RGS3: variants seen among roughly 807,000 people sequenced by gnomAD.
The protein encoded by RGS3 is regulator of G-protein signalling 3.
A neutral mutation model predicts 132.6 loss-of-function variants in RGS3; 80 were observed. The ratio of observed to expected loss-of-function variants is 0.60; its 90% confidence interval spans 0.50 to 0.73. The LOEUF is 0.73. Ranked by LOEUF, RGS3 falls within the 30% of genes least tolerant of loss-of-function variation. The pLI is 0.00. For synonymous variants in RGS3, 598 were observed against 620.6 expected, an observed-to-expected ratio of 0.96 and a Z score of 0.54; for missense variants, 1,382 against 1,530.8, an observed-to-expected ratio of 0.90 and a Z score of 1.62.
chr9:113,445,146 A>G (rs531029408), intron 1 of RGS3, among the ~76,000 whole-genome samples: 10 of 151,274 alleles, frequency 6.6e-5, no homozygotes, highest in African/African-American at 2.2e-4. Context: ...GATCCCTGCT[A>G]GAGACAGGCC....
At chr9:113,511,439 A>T (rs1588179405) in intron 14 of RGS3, among the ~76,000 whole-genome samples, 2 of 151,840 alleles carry the variant, frequency 1.3e-5, no homozygotes. Context: ...AGCCACTCCC[A>T]CTAGCCACAT....
intron 19 of RGS3, among the ~76,000 whole-genome samples, chr9:113,540,030 G>T (rs887987113): frequency 6.6e-6 from 1 of 151,948 alleles, no homozygotes; most frequent in Non-Finnish European, 1.5e-5. Context: ...GGGCCATCTA[G>T]TATCCATTTT....
chr9:113,479,444 C>T (rs1830091790), intron 3 of RGS3, 47 bp from the exon 2 acceptor site: 1 of 1,590,240 alleles, frequency 6.3e-7, no homozygotes, highest in Non-Finnish European at 8.6e-7. Flanking sequence ...TTCCACCACA[C>T]CCACCAGGGA....
chr9:113,479,335 C>A (rs1830088495), intron 3 of RGS3, 156 bp from the exon 2 acceptor site: 1 of 754,026 alleles, frequency 1.3e-6, no homozygotes. Context: ...GGGCTGAACC[C>A]TGTGGCTTCT....
chr9:113,523,167 G>A (rs2119412260), intron 17 of RGS3, 126 bp downstream of exon 15: 3 of 673,060 alleles, frequency 4.5e-6, no homozygotes, highest in Non-Finnish European at 8.1e-6. Flanking sequence ...GCTGGGCTCT[G>A]TCCATGGGCT....
chr9:113,446,929 T>A (rs1021001518), intron 1 of RGS3, among the ~76,000 whole-genome samples: 1 of 152,020 alleles, frequency 6.6e-6, no homozygotes, highest in Non-Finnish European at 1.5e-5. Context: ...ATTCTTTGTA[T>A]CCCCTAAGCT....
At chr9:113,452,039 C>T (rs1258024136) in intron 1 of RGS3, among the ~76,000 whole-genome samples, 1 of 152,020 alleles carries the variant, frequency 6.6e-6, no homozygotes, top group Non-Finnish European at 1.5e-5. Context: ...CACTCTGTTG[C>T]CCAGGCTGGA....
intron 19 of RGS3, among the ~76,000 whole-genome samples, chr9:113,560,871 A>T (rs532838206): frequency 6.7e-4 from 102 of 152,310 alleles, no homozygotes; most frequent in Middle Eastern, 6.8e-3. Context: ...AGGGCTCTGC[A>T]GAAGTTGAAG....
chr9:113,453,161 CATATG>C (rs1829294953), intron 1 of RGS3, among the ~76,000 whole-genome samples: 2 of 116,854 alleles, frequency 1.7e-5, no homozygotes, highest in African/African-American at 3.2e-5. Flanking sequence ...ATAATATACT[CATATG>C]ATTATATAAT....
chr9:113,541,252 G>A lies in RGS3; in HGVS notation c.2037+4334G>A, dbSNP rs1159599247. 4.6e-6 allele frequency: 7 copies of A among 1,536,348 alleles called. No individual in the cohort carries two copies. In the African/African-American group the frequency reaches 5.4e-5, roughly 12 times the overall value. ...AGTGCCTTAGAAAGGAACAGAGGCA[G>A]GTCCTGCAGTCAGGCAGCCCGGCCT... On this transcript the variant is annotated intron_variant, in intron 19 of 24. Transcript: ENST00000350696.
upstream of RGS3, among the ~76,000 whole-genome samples, chr9:113,456,950 C>G (rs1321868601): frequency 6.6e-6 from 1 of 152,182 alleles, no homozygotes. Flanking sequence ...CAGGCATGCG[C>G]CACCACACTG....
chr9:113,594,451 G>A, exon 22 of RGS3: 1 of 1,613,806 alleles, frequency 6.2e-7, no homozygotes, highest in Non-Finnish European at 8.5e-7. Context: ...TGAAGAACAA[G>A]CTGGGGATCT....
chr9:113,558,723 T>C (rs1833668970), intron 19 of RGS3, among the ~76,000 whole-genome samples: 3 of 152,216 alleles, frequency 2.0e-5, no homozygotes, highest in African/African-American at 7.2e-5. Flanking sequence ...AGCATCACAC[T>C]GCATGTGATT....
upstream of RGS3, among the ~76,000 whole-genome samples, chr9:113,459,051 T>A (rs1232870660): frequency 6.6e-6 from 1 of 152,210 alleles, no homozygotes; most frequent in African/African-American, 2.4e-5. Flanking sequence ...GCATCCAGCC[T>A]CTATTGTATA....
chr9:113,570,619 T>A (rs1286960493), intron 19 of RGS3, among the ~76,000 whole-genome samples: 2 of 152,046 alleles, frequency 1.3e-5, no homozygotes, highest in East Asian at 3.8e-4. Flanking sequence ...AACCCTCTTT[T>A]AGTTACTATG....
chr9:113,495,973 C>T (rs757035213), intron 8 of RGS3, 127 bp downstream of exon 6: 1 of 839,052 alleles, frequency 1.2e-6, no homozygotes, highest in Non-Finnish European at 2.1e-6. Flanking sequence ...AGACAGGTGC[C>T]CTGTGGGGTG....
intron 18 of RGS3, among the ~76,000 whole-genome samples, chr9:113,534,640 T>C (rs1832607777): frequency 6.8e-6 from 1 of 147,586 alleles, no homozygotes; most frequent in African/African-American, 2.5e-5. Flanking sequence ...TGAGACAAGG[T>C]CTGCCCTGTC....
upstream of RGS3, among the ~76,000 whole-genome samples, chr9:113,457,472 C>T (rs1011820179): frequency 2.6e-5 from 4 of 152,184 alleles, no homozygotes; most frequent in Non-Finnish European, 5.9e-5. Flanking sequence ...CTATATGTAT[C>T]CCCAGTGCCC....
intron 10 of RGS3, chr9:113,501,774 A>AT (rs1830910353): frequency 1.1e-6 from 1 of 910,246 alleles, no homozygotes; most frequent in Non-Finnish European, 1.7e-6. Context: ...GGGGAGGAGG[A>AT]TAGAGACAGG....
Sources: gnomAD v4.1 joint callset for allele counts (sites outside exome capture counted in the v4.1 genomes callset) on GRCh38, gnomAD v4.1.1 for gene constraint, MANE v1.5 for transcripts, NCBI Gene and HGNC (gene_info 2026-07-23, HGNC 2026-07-21) for gene names.